PRKCZ: variants seen among roughly 807,000 people sequenced by gnomAD.
The protein encoded by PRKCZ is protein kinase C zeta type.
In PRKCZ, 33 loss-of-function variants were observed where a neutral mutation model predicts 79.5. That is an observed-to-expected ratio of 0.41 (90% CI 0.31 to 0.55). The LOEUF is 0.55. PRKCZ is among the 20% of genes least tolerant of loss of function. The probability of loss-of-function intolerance (pLI) is 0.19; values close to 1 mark genes in which losing one functional copy is unlikely to be tolerated. For synonymous variants in PRKCZ, 342 were observed against 320.9 expected, an observed-to-expected ratio of 1.07 and a Z score of -0.70; for missense variants, 578 against 813.5, an observed-to-expected ratio of 0.71 and a Z score of 3.52.
chr1:2,107,117 C>T (rs561225056), intron 4 of PRKCZ, among the ~76,000 whole-genome samples: 26 of 152,354 alleles, frequency 1.7e-4, no homozygotes, highest in Non-Finnish European at 3.4e-4. Flanking sequence ...CTGCCTCCCC[C>T]GTGTTTCCTC....
intron 7 of PRKCZ, among the ~76,000 whole-genome samples, chr1:2,147,717 C>G (rs1348009472): frequency 3.6e-5 from 5 of 137,816 alleles, no homozygotes; most frequent in African/African-American, 1.5e-4. Flanking sequence ...ACCCATCTGT[C>G]TGTTGTCCAC....
Position 2,106,721 on chromosome 1 carries a change from C to CAT in PRKCZ, c.335-28541_335-28540insAT. Among the ~76,000 whole-genome samples the CAT allele has an allele frequency of 7.0e-5, 2 of 28,386 alleles. 1 individual carries two copies. Among genetic ancestry groups the CAT allele is most frequent in the South Asian group, 2.5e-3 (2 of 808 alleles). The allele number at this position is 28,386 out of a possible 152,430, so 18.6% of individuals were successfully genotyped here. A position where few individuals can be genotyped will look rare whatever the true frequency, so the allele number is the denominator to read the frequency against. On this transcript the variant is annotated intron_variant, in intron 4 of 17. Coordinates refer to ENST00000378567, the MANE Select transcript of PRKCZ (RefSeq NM_002744.6). ...CCTCCGGTGGGCGAGGACCTCCATG[C>CAT]GTGTCACCAGGCCAGGTAACTCTCA...
chr1:2,082,209 G>A lies in PRKCZ; in HGVS notation c.334+22618G>A, dbSNP rs1226504105. The A allele has an allele frequency of 1.1e-5, 4 of 364,760 alleles. No homozygotes were observed. The highest frequency in any genetic ancestry group is 3.6e-5 in the Admixed American group (1 of 27,436). The allele number at this position is 364,760 out of a possible 1,614,324, so 22.6% of individuals were successfully genotyped here. A position where few individuals can be genotyped will look rare whatever the true frequency, so the allele number is the denominator to read the frequency against. On this transcript the variant is annotated intron_variant, in intron 4 of 17. Transcript: ENST00000378567. The surrounding 1 kb of genome is among the most constrained non-coding windows in gnomAD (Gnocchi z 4.4). ...TTGGCAGCGTCGCCCGCTCTGTCCC[G>A]CCTGTTGTGTGCGCCTTTTCCCTGC...
At chr1:2,050,375 C>A (rs1365965222), upstream of PRKCZ, 4 of 170,656 alleles carry the variant, frequency 2.3e-5, no homozygotes, top group East Asian at 5.1e-4. Context: ...CCGCCCGCCC[C>A]GCGGATTGGC....
rs1278308341 is a variant in PRKCZ at position 2,082,240 on chromosome 1, G to C, written c.334+22649G>C. On this transcript the variant is annotated intron_variant, in intron 4 of 17. Coordinates refer to ENST00000378567, the MANE Select transcript of PRKCZ (RefSeq NM_002744.6). The surrounding 1 kb of genome is among the most constrained non-coding windows in gnomAD (Gnocchi z 4.4). ...TGTGTGCGCCTTTTCCCTGCTCCAG[G>C]GCTGTGTATTTGGCAAGAGGGAGGC... 3 of 392,300 alleles carry C rather than the reference G, an allele frequency of 7.6e-6. No homozygotes were observed. Among genetic ancestry groups the C allele is most frequent in the Non-Finnish European group, 1.5e-5 (3 of 198,292 alleles). The allele number at this position is 392,300 out of a possible 1,614,324, so 24.3% of individuals were successfully genotyped here. A position where few individuals can be genotyped will look rare whatever the true frequency, so the allele number is the denominator to read the frequency against.
At chr1:2,176,074 A>AC (rs1685444613) in intron 16 of PRKCZ, among the ~76,000 whole-genome samples, 1 of 151,902 alleles carries the variant, frequency 6.6e-6, no homozygotes, top group Non-Finnish European at 1.5e-5. Flanking sequence ...ACAGGGTGCG[A>AC]CGTACACTGG....
chr1:2,096,000 C>T (rs564405176), intron 4 of PRKCZ, among the ~76,000 whole-genome samples: 1 of 149,760 alleles, frequency 6.7e-6, no homozygotes, highest in Non-Finnish European at 1.5e-5. Flanking sequence ...GCTGGCCCCT[C>T]ACTCTGCGGA....
intron 4 of PRKCZ, among the ~76,000 whole-genome samples, chr1:2,096,053 C>A (rs2102534874): frequency 6.6e-6 from 1 of 151,352 alleles, no homozygotes; most frequent in East Asian, 2.0e-4. Flanking sequence ...ATCAGGGCAG[C>A]CAGGCAGGGT....
intron 7 of PRKCZ, among the ~76,000 whole-genome samples, chr1:2,147,386 CATCT>C (rs1678818830): frequency 2.0e-5 from 3 of 149,520 alleles, no homozygotes; most frequent in South Asian, 4.3e-4. Flanking sequence ...TCTATCTATC[CATCT>C]ATTGTTCACT....
At chr1:2,160,580 G>A (rs911570503) in intron 10 of PRKCZ, among the ~76,000 whole-genome samples, 26 of 152,176 alleles carry the variant, frequency 1.7e-4, no homozygotes, top group Middle Eastern at 3.2e-3. Flanking sequence ...CCTGGGATGC[G>A]GAGGCCCCAG....
At position 2,072,221 on chromosome 1, in the gene PRKCZ, T is replaced by C. The variant is rs1033088769; in HGVS notation, c.334+12630T>C. Among the ~76,000 whole-genome samples, 7 of 152,234 alleles carry C rather than the reference T, an allele frequency of 4.6e-5. No homozygotes were observed. In the South Asian group the frequency reaches 1.2e-3, roughly 27 times the overall value. On this transcript the variant is annotated intron_variant, in intron 4 of 17. Transcript: ENST00000378567. ...GAAGTGGCCGTGCCTCGTGGTGAGC[T>C]GCTGACAGAGCTGGAATTTGAACCC...
In PRKCZ at chr1:2,160,238, C is replaced by CGCGCGTGTGT. The variant is rs71578361; in HGVS notation, c.974+4147_974+4148insCGCGTGTGTG. Reference sequence around the variant, plus strand: ...GAAAAGCACTTCACCCAGCAGTGTGCGTGTGTGTGTGTGTGTGTGTGTGTG... The same window carrying CGCGCGTGTGT: ...GAAAAGCACTTCACCCAGCAGTGTGCGCGCGTGTGTGTGTGTGTGTGTGTGTGTGTGTGTG... On this transcript the variant is annotated intron_variant, in intron 10 of 17. Coordinates refer to ENST00000378567, the MANE Select transcript of PRKCZ (RefSeq NM_002744.6). 7.8e-3 allele frequency among the ~76,000 whole-genome samples: 1,149 copies of CGCGCGTGTGT among 146,456 alleles called. 15 individuals are homozygous for CGCGCGTGTGT. Among genetic ancestry groups the CGCGCGTGTGT allele is most frequent in the African/African-American group, 0.027 (1,060 of 39,018 alleles).
intron 9 of PRKCZ, among the ~76,000 whole-genome samples, chr1:2,152,914 C>T (rs1232487892): frequency 1.3e-5 from 2 of 152,248 alleles, no homozygotes; most frequent in Non-Finnish European, 2.9e-5. Flanking sequence ...AGTGTTCCCA[C>T]CCTTGGCTGT....
Position 2,053,445 on chromosome 1 carries a change from C to G in PRKCZ, c.72-1996C>G, listed in dbSNP as rs571096956. 1.4e-4 allele frequency among the ~76,000 whole-genome samples: 21 copies of G among 152,310 alleles called. 1 individual carries two copies. The East Asian group carries it at 3.9e-3, about 28-fold the overall frequency. On this transcript the variant is annotated intron_variant, in intron 1 of 17. Coordinates refer to ENST00000378567, the MANE Select transcript of PRKCZ (RefSeq NM_002744.6). ...TCAGGGAGCTTCTGTGTGCAAAGCC[C>G]AGGGCTTGGTGCTGAGGCCAACAGA...
intron 4 of PRKCZ, among the ~76,000 whole-genome samples, chr1:2,118,344 T>TG (rs1353175929): frequency 2.7e-5 from 4 of 147,010 alleles, no homozygotes; most frequent in African/African-American, 1.0e-4. Context: ...ATGTTTTTGT[T>TG]TTTTTTTTTT....
intron 4 of PRKCZ, chr1:2,111,851 C>G (rs1326859757): frequency 2.0e-5 from 3 of 152,242 alleles, no homozygotes; most frequent in Admixed American, 6.5e-5. Context: ...GCCTCCTGAC[C>G]GACCGTCCAT....
intron 4 of PRKCZ, among the ~76,000 whole-genome samples, chr1:2,131,505 G>A (rs1226566588): frequency 1.3e-5 from 2 of 152,206 alleles, no homozygotes; most frequent in African/African-American, 4.8e-5. Context: ...TTTGAAGGAG[G>A]CAGGTCTGAG....
intron 4 of PRKCZ, among the ~76,000 whole-genome samples, chr1:2,078,251 G>C (rs1483048685): frequency 6.6e-6 from 1 of 152,240 alleles, no homozygotes; most frequent in Non-Finnish European, 1.5e-5. Flanking sequence ...CCCTCCAGCA[G>C]CTGTCTGAGA....
chr1:2,146,022 G>T lies in PRKCZ; in HGVS notation c.553-5G>T, dbSNP rs745739286. ...CATGCTGCCATCTCTGTGTCTCTCC[G>T]GCAGGATTCTGTCATGCCTTCCCAA... is the stretch of plus-strand genomic sequence containing the variant. On this transcript the variant is annotated splice_region_variant and splice_polypyrimidine_tract_variant and intron_variant, in intron 6 of 17. Transcript: ENST00000378567. The T allele has an allele frequency of 6.2e-7, 1 of 1,610,746 alleles. No individual in the cohort carries two copies. The highest frequency in any genetic ancestry group is 1.7e-5 in the Admixed American group (1 of 59,986).
Sources: gnomAD v4.1 joint callset for allele counts (sites outside exome capture counted in the v4.1 genomes callset) on GRCh38, gnomAD v4.1.1 for gene constraint, Gnocchi (gnomAD v3.1) non-coding constraint, MANE v1.5 for transcripts, NCBI Gene and HGNC (gene_info 2026-07-23, HGNC 2026-07-21) for gene names.